FAF1: variants seen among roughly 807,000 people sequenced by gnomAD.
FAF1 encodes the protein FAS-associated factor 1.
FAF1 carries 25 observed loss-of-function variants against 92.5 expected under a neutral mutation model. That is an observed-to-expected ratio of 0.27 (90% CI 0.20 to 0.38). The LOEUF is 0.38. FAF1 is among the 10% of genes least tolerant of loss of function. The pLI is 1.00. For missense variants in FAF1, 636 were observed against 793.3 expected, an observed-to-expected ratio of 0.80 and a Z score of 2.38; for synonymous variants, 234 against 273.2, an observed-to-expected ratio of 0.86 and a Z score of 1.42.
At chr1:50,517,451 T>G (rs886391656) in intron 15 of FAF1, among the ~76,000 whole-genome samples, 6 of 152,090 alleles carry the variant, frequency 3.9e-5, no homozygotes, top group African/African-American at 1.4e-4. Flanking sequence ...ACAGCAATAA[T>G]AGATACTTTT....
At chr1:50,904,638 C>T (rs1644820952) in intron 1 of FAF1, among the ~76,000 whole-genome samples, 1 of 152,074 alleles carries the variant, frequency 6.6e-6, no homozygotes, top group Admixed American at 6.6e-5. Flanking sequence ...ACAAAGTTTG[C>T]AAATATTTCC....
chr1:50,449,740 G>A (rs1337527354), intron 18 of FAF1, among the ~76,000 whole-genome samples: 2 of 151,024 alleles, frequency 1.3e-5, no homozygotes, highest in African/African-American at 2.4e-5. Context: ...TGCCCGCCTC[G>A]GCCTCCCAAA....
intron 8 of FAF1, among the ~76,000 whole-genome samples, chr1:50,607,314 C>T (rs2124123323): frequency 6.6e-6 from 1 of 152,222 alleles, no homozygotes; most frequent in Middle Eastern, 3.4e-3. Context: ...CTAAATCTGC[C>T]TCTTATTCAT....
chr1:50,691,225 C>T (rs562484034), intron 7 of FAF1, among the ~76,000 whole-genome samples: 1 of 152,238 alleles, frequency 6.6e-6, no homozygotes, highest in Non-Finnish European at 1.5e-5. Flanking sequence ...AACATCTTTG[C>T]CAATACAACA....
At chr1:50,711,586 C>T (rs562280728) in intron 6 of FAF1, among the ~76,000 whole-genome samples, 7 of 151,330 alleles carry the variant, frequency 4.6e-5, no homozygotes, top group African/African-American at 1.7e-4. Flanking sequence ...TCTCCTGCCT[C>T]GGCCTCCCGA....
intron 2 of FAF1, among the ~76,000 whole-genome samples, chr1:50,852,689 T>C (rs867782809): frequency 6.6e-6 from 1 of 152,182 alleles, no homozygotes; most frequent in Non-Finnish European, 1.5e-5. Context: ...CCTTAACAGC[T>C]ATGTGAGCTT....
chr1:50,845,637 G>T (rs1221020429), intron 2 of FAF1, among the ~76,000 whole-genome samples: 2 of 152,030 alleles, frequency 1.3e-5, no homozygotes, highest in Non-Finnish European at 2.9e-5. Flanking sequence ...CTACGAACCA[G>T]CCCTAGCCTG....
intron 15 of FAF1, among the ~76,000 whole-genome samples, chr1:50,504,622 C>T (rs569528236): frequency 5.9e-5 from 9 of 152,088 alleles, no homozygotes; most frequent in Admixed American, 6.5e-5. Context: ...AGACAAGTAC[C>T]CAACATCAAT....
intron 1 of FAF1, among the ~76,000 whole-genome samples, chr1:50,938,763 A>G (rs1645107074): frequency 6.6e-6 from 1 of 152,220 alleles, no homozygotes; most frequent in Non-Finnish European, 1.5e-5. Context: ...ATATGGTGAA[A>G]GGTAAGGGTC....
chr1:50,819,741 ATATATATATACATATATATATACG>A (rs1249338604), intron 2 of FAF1, among the ~76,000 whole-genome samples: 393 of 16,884 alleles, frequency 0.023, 7 homozygotes, highest in South Asian at 0.13. Context: ...ATATATATAC[ATATATATATACATATATATATACG>A]TATATATATA....
At chr1:50,924,914 C>T (rs567993746) in intron 1 of FAF1, among the ~76,000 whole-genome samples, 44 of 152,244 alleles carry the variant, frequency 2.9e-4, no homozygotes, top group Admixed American at 2.0e-3. Context: ...ACCCAGGAGG[C>T]GGAGGCTGCA....
chr1:50,477,880 T>C (rs1646657033), intron 17 of FAF1, among the ~76,000 whole-genome samples: 1 of 152,198 alleles, frequency 6.6e-6, no homozygotes, highest in African/African-American at 2.4e-5. Flanking sequence ...TGAAATAATA[T>C]ATGTAAAAGT....
chr1:50,567,314 A>C (rs1227124337), intron 12 of FAF1, 83 bp from the exon 13 acceptor site: 2 of 999,512 alleles, frequency 2.0e-6, no homozygotes, highest in Non-Finnish European at 2.8e-6. Flanking sequence ...TAATTAGTCT[A>C]TATGAACAGC....
rs1429018183 is a variant in FAF1, at chr1:50,543,406, T to G, written c.1269-3678A>C. Among the ~76,000 whole-genome samples, 3 of 152,186 alleles carry G rather than the reference T, an allele frequency of 2.0e-5. No homozygotes were observed. The East Asian group carries it at 5.8e-4, about 29-fold the overall frequency. ...GAGGGCACAAAACTGTCAACTACTCTATTTAAGGGTTCCTGATTACTACAT... is the reference window on the plus strand; with the variant it reads ...GAGGGCACAAAACTGTCAACTACTCGATTTAAGGGTTCCTGATTACTACAT... On this transcript the variant is annotated intron_variant, in intron 13 of 18. Transcript: ENST00000396153.
chr1:50,733,444 T>G (rs12085479), intron 6 of FAF1, among the ~76,000 whole-genome samples: 65,794 of 152,014 alleles, frequency 0.43, 15,406 homozygotes, highest in African/African-American at 0.58. Context: ...ATGAACTGAA[T>G]TGTGTCCCCC....
intron 2 of FAF1, among the ~76,000 whole-genome samples, chr1:50,811,918 C>A (rs1343988413): frequency 6.6e-6 from 1 of 152,116 alleles, no homozygotes; most frequent in Non-Finnish European, 1.5e-5. Flanking sequence ...CACACTCCAA[C>A]AACCACCAGA....
chr1:50,688,001 G>C (rs987999272), intron 7 of FAF1, among the ~76,000 whole-genome samples: 1 of 151,796 alleles, frequency 6.6e-6, no homozygotes, highest in Non-Finnish European at 1.5e-5. Flanking sequence ...TGGGCGTGGT[G>C]GCAGGCACCT....
intron 8 of FAF1, among the ~76,000 whole-genome samples, chr1:50,635,381 A>G (rs1001715353): frequency 9.9e-5 from 15 of 152,262 alleles, no homozygotes; most frequent in South Asian, 2.1e-4. Context: ...CAAAGAATCT[A>G]AATTATTTTT....
At chr1:50,899,614 A>C (rs1219584976) in intron 1 of FAF1, among the ~76,000 whole-genome samples, 1 of 152,080 alleles carries the variant, frequency 6.6e-6, no homozygotes, top group Non-Finnish European at 1.5e-5. Flanking sequence ...CACCACACCC[A>C]GCTAATTTTT....
Sources: gnomAD v4.1 joint callset for allele counts (sites outside exome capture counted in the v4.1 genomes callset) on GRCh38, gnomAD v4.1.1 for gene constraint, MANE v1.5 for transcripts, NCBI Gene and HGNC (gene_info 2026-07-23, HGNC 2026-07-21) for gene names.